The following RGS3 variants were observed in gnomAD, a reference collection of about 807,000 sequenced individuals.
RGS3 encodes regulator of G-protein signalling 3.
RGS3 carries 80 observed loss-of-function variants against 132.6 expected under a neutral mutation model. That is an observed-to-expected ratio of 0.60 (90% CI 0.50 to 0.73). The LOEUF is 0.73. Ranked by LOEUF, RGS3 falls within the 30% of genes least tolerant of loss-of-function variation. RGS3 has a pLI of 0.00. For missense variants in RGS3, 1,382 were observed against 1,530.8 expected (o/e 0.90, Z 1.62); for synonymous variants, 598 against 620.6 (o/e 0.96, Z 0.54).
chr9:113,534,651 G>A (rs1286611999), intron 18 of RGS3, among the ~76,000 whole-genome samples: 3 of 143,132 alleles, frequency 2.1e-5, no homozygotes, highest in South Asian at 4.4e-4. Flanking sequence ...CTGCCCTGTC[G>A]CCCAGGCTGG....
At chr9:113,458,436 G>T (rs1197160448), upstream of RGS3, among the ~76,000 whole-genome samples, 1 of 152,092 alleles carries the variant, frequency 6.6e-6, no homozygotes, top group Non-Finnish European at 1.5e-5. Context: ...GCATCTCTAG[G>T]ATAAATACCA....
At chr9:113,487,100 C>CT (rs60523804) in intron 7 of RGS3, among the ~76,000 whole-genome samples, 5,307 of 116,914 alleles carry the variant, frequency 0.045, 172 homozygotes, top group African/African-American at 0.063. Context: ...TCATTTAATT[C>CT]TTTTTTTTTT....
intron 19 of RGS3, among the ~76,000 whole-genome samples, chr9:113,569,411 AG>A (rs920543576): frequency 6.6e-6 from 1 of 152,084 alleles, no homozygotes; most frequent in African/African-American, 2.4e-5. Context: ...GTGGAATGGG[AG>A]GTGGCATGGC....
intron 3 of RGS3, among the ~76,000 whole-genome samples, chr9:113,476,936 T>C (rs560778278): frequency 1.3e-5 from 2 of 152,108 alleles, no homozygotes; most frequent in Non-Finnish European, 2.9e-5. Flanking sequence ...TTTGCACAGG[T>C]AGTAGTTTCA....
Position 113,495,771 on chromosome 9 carries a change from C to A in RGS3, c.690-15C>A. On this transcript the variant is annotated splice_polypyrimidine_tract_variant and intron_variant, in intron 7 of 24. Coordinates refer to ENST00000350696, the Ensembl canonical transcript of RGS3. The stretch of plus-strand genomic sequence containing the variant: ...AGAAAAAAAATGCTGACTCAAGTCT[C>A]ACTTGTTCTCCCAGACAGAGTGGAC... 6.2e-7 allele frequency: 1 copy of A among 1,613,500 alleles called. No individual in the cohort carries two copies. The highest frequency in any genetic ancestry group is 8.5e-7 in the Non-Finnish European group (1 of 1,179,392).
chr9:113,539,404 G>C (rs1393480050), intron 19 of RGS3, among the ~76,000 whole-genome samples: 1 of 152,170 alleles, frequency 6.6e-6, no homozygotes, highest in Admixed American at 6.5e-5. Context: ...CTGCCTCCTG[G>C]GTTCAAGCGA....
At chr9:113,497,506 A>C in intron 9 of RGS3, 102 bp downstream of exon 7, 4 of 952,182 alleles carry the variant, frequency 4.2e-6, no homozygotes, top group Non-Finnish European at 6.4e-6. Flanking sequence ...CCTGCTACTG[A>C]GAATGCTATC....
chr9:113,553,119 A>G (rs1449339182), intron 19 of RGS3, among the ~76,000 whole-genome samples: 6 of 151,966 alleles, frequency 3.9e-5, no homozygotes, highest in Non-Finnish European at 8.8e-5. Flanking sequence ...AAATAATATC[A>G]TATTATACAT....
At chr9:113,518,379 AG>A (rs561931803) in intron 16 of RGS3, among the ~76,000 whole-genome samples, 64 of 152,330 alleles carry the variant, frequency 4.2e-4, no homozygotes, top group Admixed American at 2.2e-3. Context: ...ACTTGGAGAC[AG>A]GAAGTTTGTA....
intron 19 of RGS3, among the ~76,000 whole-genome samples, chr9:113,546,363 C>G (rs1369052635): frequency 6.6e-6 from 1 of 152,166 alleles, no homozygotes; most frequent in East Asian, 1.9e-4. Flanking sequence ...CCCCTTAGCA[C>G]AATTCATCCT....
chr9:113,485,631 C>G (rs1830307755), exon 7 of RGS3: 1 of 1,596,940 alleles, frequency 6.3e-7, no homozygotes, highest in Non-Finnish European at 8.5e-7. Flanking sequence ...GCAGTCCTGT[C>G]CAAGAGGAGG....
intron 17 of RGS3, among the ~76,000 whole-genome samples, chr9:113,524,228 C>T (rs1420028927): frequency 6.6e-6 from 1 of 152,172 alleles, no homozygotes; most frequent in East Asian, 1.9e-4. Context: ...CTCCCTGGCT[C>T]CCTCACACCC....
chr9:113,557,756 T>G (rs899073329), intron 19 of RGS3, among the ~76,000 whole-genome samples: 6 of 152,080 alleles, frequency 3.9e-5, no homozygotes, highest in Non-Finnish European at 8.8e-5. Context: ...GAGCGCCTAC[T>G]GGGAGGACCT....
intron 19 of RGS3, among the ~76,000 whole-genome samples, chr9:113,553,459 A>AAAAAAAAAAATATATATATAT (rs1426114805): frequency 3.4e-5 from 2 of 58,706 alleles, no homozygotes; most frequent in African/African-American, 7.2e-5. Flanking sequence ...AAAAAAAAAA[A>AAAAAAAAAAATATATATATAT]ATATATATAT....
chr9:113,456,650 G>GTT (rs112527436), upstream of RGS3, among the ~76,000 whole-genome samples: 2 of 135,676 alleles, frequency 1.5e-5, no homozygotes, highest in Non-Finnish European at 3.2e-5. Context: ...TAACCAATTT[G>GTT]TTTTTTTTTT....
chr9:113,493,067 T>C (rs1171118653), intron 7 of RGS3, among the ~76,000 whole-genome samples: 2 of 152,234 alleles, frequency 1.3e-5, no homozygotes, highest in East Asian at 1.9e-4. Flanking sequence ...GGCACCTGGA[T>C]AGCAGCTGGA....
chr9:113,571,325 T>A (rs775071796), intron 19 of RGS3, among the ~76,000 whole-genome samples: 2 of 152,240 alleles, frequency 1.3e-5, no homozygotes, highest in Non-Finnish European at 2.9e-5. Context: ...AATACCATGA[T>A]ATTATTTTCC....
chr9:113,557,492 C>A (rs1833616197), intron 19 of RGS3, among the ~76,000 whole-genome samples: 1 of 152,206 alleles, frequency 6.6e-6, no homozygotes, highest in South Asian at 2.1e-4. Context: ...CCATATGCCT[C>A]TCCCTGGAGT....
chr9:113,595,256 TA>T lies in RGS3; in HGVS notation c.3244+279del, dbSNP rs542838481. Among the ~76,000 whole-genome samples the T allele has an allele frequency of 3.3e-5, 5 of 152,288 alleles. No homozygotes were observed. In the South Asian group the frequency reaches 1.0e-3, roughly 32 times the overall value. On this transcript the variant is annotated intron_variant, in intron 23 of 24. Coordinates refer to ENST00000350696, the Ensembl canonical transcript of RGS3. ...CAGATCCATATTCCCAGAATAAGAA[TA>T]AACATTTCTACGTACTGAGGGCTTT...
Sources: allele counts gnomAD v4.1 joint callset (sites outside exome capture counted in the v4.1 genomes callset), GRCh38; gene constraint gnomAD v4.1.1; transcripts MANE v1.5; gene names NCBI Gene and HGNC (gene_info 2026-07-23, HGNC 2026-07-21).